The following SLC30A8 variants were observed in gnomAD, a reference collection of about 807,000 sequenced individuals.
The protein encoded by SLC30A8 is solute carrier family 30 member 8.
Under a neutral mutation model 36.9 loss-of-function variants are expected in SLC30A8, and 27 were observed. That is an observed-to-expected ratio of 0.73 (90% CI 0.54 to 1.01). The LOEUF (loss-of-function observed/expected upper bound fraction) is 1.01. Ranked by LOEUF, SLC30A8 falls within the 50% of genes least tolerant of loss-of-function variation. The probability of loss-of-function intolerance (pLI) is 0.00; values close to 1 mark genes in which losing one functional copy is unlikely to be tolerated. For synonymous variants in SLC30A8, 164 were observed against 172.4 expected (o/e 0.95, Z 0.38); for missense variants, 439 against 452.0 (o/e 0.97, Z 0.26).
chr8:117,161,682 G>A (rs1253581857), intron 4 of SLC30A8, 56 bp from the exon 5 acceptor site: 1 of 1,526,166 alleles, frequency 6.6e-7, no homozygotes, highest in Non-Finnish European at 8.9e-7. Context: ...CCATTATGCT[G>A]CCTACGTTTT....
upstream of SLC30A8, among the ~76,000 whole-genome samples, chr8:117,134,452 A>G (rs1821268458): frequency 6.6e-6 from 1 of 151,994 alleles, no homozygotes; most frequent in Non-Finnish European, 1.5e-5. Context: ...AGTGCTTTGT[A>G]TGAAGTAAAA....
chr8:116,968,112 A>T (rs1471796200), intron 1 of SLC30A8, among the ~76,000 whole-genome samples: 1 of 152,134 alleles, frequency 6.6e-6, no homozygotes, highest in East Asian at 1.9e-4. Flanking sequence ...ACCTTTGTGG[A>T]TTAGGAAGAA....
At chr8:117,090,831 T>C (rs903716830) in intron 2 of SLC30A8, among the ~76,000 whole-genome samples, 18 of 152,208 alleles carry the variant, frequency 1.2e-4, no homozygotes, top group Admixed American at 2.6e-4. Context: ...TTGCATTTAA[T>C]TTGCTTTTTA....
intron 4 of SLC30A8, among the ~76,000 whole-genome samples, chr8:117,158,429 T>C (rs1822613121): frequency 6.6e-6 from 1 of 152,224 alleles, no homozygotes; most frequent in South Asian, 2.1e-4. Flanking sequence ...TGGTCATTAG[T>C]TTCATATATT....
intron 2 of SLC30A8, among the ~76,000 whole-genome samples, chr8:117,044,865 A>C (rs1202663256): frequency 6.6e-6 from 1 of 152,234 alleles, no homozygotes; most frequent in East Asian, 1.9e-4. Flanking sequence ...CCTGGCTTCA[A>C]ACGCAGGCTC....
At chr8:117,017,639 A>C (rs1816561790) in intron 1 of SLC30A8, among the ~76,000 whole-genome samples, 1 of 152,228 alleles carries the variant, frequency 6.6e-6, no homozygotes, top group Non-Finnish European at 1.5e-5. Flanking sequence ...GTAAGGAAAG[A>C]AGCGAATACA....
At chr8:117,098,722 G>A (rs1223227562) in intron 2 of SLC30A8, among the ~76,000 whole-genome samples, 1 of 152,160 alleles carries the variant, frequency 6.6e-6, no homozygotes, top group Non-Finnish European at 1.5e-5. Flanking sequence ...ATGCAGGGGA[G>A]ATTGTCCCTC....
intron 1 of SLC30A8, among the ~76,000 whole-genome samples, chr8:116,975,711 A>G (rs564836853): frequency 4.6e-5 from 7 of 152,236 alleles, no homozygotes; most frequent in Non-Finnish European, 8.8e-5. Flanking sequence ...TTAAGCAGAG[A>G]TGGAAAGAAT....
At chr8:116,999,693 T>C (rs1013139193) in intron 1 of SLC30A8, among the ~76,000 whole-genome samples, 4 of 152,212 alleles carry the variant, frequency 2.6e-5, no homozygotes, top group Admixed American at 6.5e-5. Flanking sequence ...GGTTTCCTGT[T>C]TCTGATACCA....
intron 4 of SLC30A8, among the ~76,000 whole-genome samples, chr8:117,160,950 ACT>A (rs1822760825): frequency 6.6e-6 from 1 of 152,226 alleles, no homozygotes; most frequent in Non-Finnish European, 1.5e-5. Flanking sequence ...AAGGCAAAAC[ACT>A]GTTAGCTGTC....
intron 2 of SLC30A8, among the ~76,000 whole-genome samples, chr8:117,120,624 A>C (rs1471803411): frequency 6.6e-6 from 1 of 151,876 alleles, no homozygotes; most frequent in African/African-American, 2.4e-5. Context: ...TCAAATTAAA[A>C]ATCTTCTGCA....
intron 2 of SLC30A8, among the ~76,000 whole-genome samples, chr8:117,149,389 A>G (rs1297641555): frequency 1.3e-5 from 2 of 152,158 alleles, no homozygotes; most frequent in African/African-American, 4.8e-5. Flanking sequence ...AGCTGTGACG[A>G]GTGCTTTCCA....
upstream of SLC30A8, among the ~76,000 whole-genome samples, chr8:117,132,833 T>C (rs73317617): frequency 4.0e-3 from 604 of 152,142 alleles, 2 homozygotes; most frequent in African/African-American, 0.012. Flanking sequence ...CATGATATAA[T>C]ATGCAATTCT....
At chr8:117,032,422 T>C (rs945896754) in intron 1 of SLC30A8, among the ~76,000 whole-genome samples, 3 of 152,202 alleles carry the variant, frequency 2.0e-5, no homozygotes, top group Non-Finnish European at 4.4e-5. Context: ...AAAAATACTT[T>C]ATAGAGACTG....
intron 2 of SLC30A8, among the ~76,000 whole-genome samples, chr8:117,050,691 C>A (rs1047039222): frequency 8.5e-5 from 13 of 152,188 alleles, no homozygotes; most frequent in Non-Finnish European, 1.8e-4. Flanking sequence ...CAGGCGTGAG[C>A]CACCACGCCT....
intron 2 of SLC30A8, among the ~76,000 whole-genome samples, chr8:117,092,079 A>C (rs1819154771): frequency 6.6e-6 from 1 of 152,210 alleles, no homozygotes; most frequent in Admixed American, 6.5e-5. Flanking sequence ...TTTACTCATC[A>C]TTAATCGTCA....
intron 1 of SLC30A8, among the ~76,000 whole-genome samples, chr8:116,989,430 A>C (rs1420564400): frequency 2.0e-5 from 3 of 152,290 alleles, no homozygotes; most frequent in South Asian, 2.1e-4. Flanking sequence ...AAGTTCACCA[A>C]ATTGTTCATT....
At chr8:117,112,858 G>A (rs1486637907) in intron 2 of SLC30A8, among the ~76,000 whole-genome samples, 1 of 150,712 alleles carries the variant, frequency 6.6e-6, no homozygotes, top group East Asian at 1.9e-4. Flanking sequence ...GCAGTTTTGC[G>A]GAGTCAGCAC....
chr8:117,052,909 C>CTTTT (rs35990196), intron 2 of SLC30A8, among the ~76,000 whole-genome samples: 1 of 143,592 alleles, frequency 7.0e-6, no homozygotes, highest in Non-Finnish European at 1.5e-5. Context: ...CCTTTTTTTT[C>CTTTT]TTTTTTTTTT....
Sources: gnomAD v4.1 joint callset for allele counts (sites outside exome capture counted in the v4.1 genomes callset) on GRCh38, gnomAD v4.1.1 for gene constraint, MANE v1.5 for transcripts, NCBI Gene and HGNC (gene_info 2026-07-23, HGNC 2026-07-21) for gene names.